NLGN1: variants seen among roughly 807,000 people sequenced by gnomAD.
The protein encoded by NLGN1 is neuroligin 1.
Under a neutral mutation model 65.5 loss-of-function variants are expected in NLGN1, and 12 were observed. The ratio of observed to expected loss-of-function variants is 0.18; its 90% CI spans 0.12 to 0.30. NLGN1 has a LOEUF of 0.30. Ranked by LOEUF, NLGN1 falls within the 10% of genes least tolerant of loss-of-function variation. The pLI, the probability that NLGN1 is intolerant of heterozygous loss-of-function variation, is 1.00. For synonymous variants in NLGN1, 350 were observed against 359.5 expected (o/e 0.97, Z 0.30); for missense variants, 750 against 1,007.1 (o/e 0.74, Z 3.46).
intron 4 of NLGN1, among the ~76,000 whole-genome samples, chr3:174,032,750 AC>A (rs2152475701): frequency 6.6e-6 from 1 of 152,204 alleles, no homozygotes; most frequent in Non-Finnish European, 1.5e-5. Context: ...CATTGTAAAA[AC>A]ACCAGTGCCT....
At chr3:173,421,047 A>G (rs1002932752) in intron 1 of NLGN1, among the ~76,000 whole-genome samples, 1 of 152,056 alleles carries the variant, frequency 6.6e-6, no homozygotes, top group Non-Finnish European at 1.5e-5. Context: ...TGTTTCTTCT[A>G]AGTGTATTGT....
intron 1 of NLGN1, among the ~76,000 whole-genome samples, chr3:173,426,497 G>C (rs907346227): frequency 6.6e-6 from 1 of 151,976 alleles, no homozygotes; most frequent in Non-Finnish European, 1.5e-5. Flanking sequence ...ATGTTTTGGG[G>C]TATGTTTTTT....
chr3:173,862,180 A>G (rs1729238276), intron 4 of NLGN1, among the ~76,000 whole-genome samples: 1 of 152,288 alleles, frequency 6.6e-6, no homozygotes, highest in South Asian at 2.1e-4. Flanking sequence ...GTTCAAATCA[A>G]TAACTAACTA....
intron 4 of NLGN1, among the ~76,000 whole-genome samples, chr3:173,919,223 A>G (rs1425037789): frequency 2.0e-5 from 3 of 152,192 alleles, no homozygotes; most frequent in African/African-American, 7.2e-5. Flanking sequence ...ATTAAGACTC[A>G]GACATCTTTG....
At chr3:173,822,504 TAA>T (rs1342169191) in intron 4 of NLGN1, among the ~76,000 whole-genome samples, 1 of 152,194 alleles carries the variant, frequency 6.6e-6, no homozygotes, top group Non-Finnish European at 1.5e-5. Flanking sequence ...TCTGAGTGTT[TAA>T]AATTACCTTC....
chr3:173,854,874 A>G (rs1173632907), intron 4 of NLGN1, among the ~76,000 whole-genome samples: 1 of 152,128 alleles, frequency 6.6e-6, no homozygotes, highest in Non-Finnish European at 1.5e-5. Flanking sequence ...GAAGAGTTGA[A>G]CAAAAAGTGC....
intron 4 of NLGN1, among the ~76,000 whole-genome samples, chr3:173,970,049 G>A (rs951187729): frequency 2.6e-5 from 4 of 152,052 alleles, no homozygotes; most frequent in African/African-American, 9.7e-5. Context: ...TGCATATCAA[G>A]TGTTGCATTT....
At chr3:174,251,028 C>A (rs1462899030) in intron 4 of NLGN1, among the ~76,000 whole-genome samples, 1 of 152,108 alleles carries the variant, frequency 6.6e-6, no homozygotes, top group Non-Finnish European at 1.5e-5. Context: ...TTTTATCAGT[C>A]AGTGCATCAC....
At chr3:173,606,854 A>G (rs181448277) in intron 3 of NLGN1, among the ~76,000 whole-genome samples, 2 of 152,074 alleles carry the variant, frequency 1.3e-5, no homozygotes, top group African/African-American at 2.4e-5. Flanking sequence ...TTAAATGACT[A>G]AAAAAGTCTC....
At chr3:173,609,435 T>A (rs965209711) in intron 3 of NLGN1, among the ~76,000 whole-genome samples, 1 of 151,966 alleles carries the variant, frequency 6.6e-6, no homozygotes. Flanking sequence ...TGAGATAATA[T>A]TGAATTCTTT....
intron 4 of NLGN1, among the ~76,000 whole-genome samples, chr3:173,823,494 A>C: frequency 6.6e-6 from 1 of 152,086 alleles, no homozygotes; most frequent in East Asian, 1.9e-4. Flanking sequence ...GTACTTACAA[A>C]ACATCTCAAT....
chr3:173,425,469 T>C (rs963201053), intron 1 of NLGN1, among the ~76,000 whole-genome samples: 1 of 152,176 alleles, frequency 6.6e-6, no homozygotes, highest in Admixed American at 6.5e-5. Context: ...AATAGATTCA[T>C]AGTTTCAGGT....
chr3:173,954,413 G>A (rs1711509943), intron 4 of NLGN1, among the ~76,000 whole-genome samples: 1 of 152,012 alleles, frequency 6.6e-6, no homozygotes, highest in South Asian at 2.1e-4. Flanking sequence ...GAAGTGCGTA[G>A]AAGTGTAACT....
chr3:173,778,052 G>T (rs1185016384), intron 3 of NLGN1, among the ~76,000 whole-genome samples: 1 of 151,736 alleles, frequency 6.6e-6, no homozygotes, highest in Non-Finnish European at 1.5e-5. Flanking sequence ...CTTTTCACTT[G>T]AAGTGTTAAA....
chr3:173,774,313 G>A (rs1338896097), intron 3 of NLGN1, among the ~76,000 whole-genome samples: 1 of 152,122 alleles, frequency 6.6e-6, no homozygotes, highest in Admixed American at 6.6e-5. Context: ...ATGTAAGTGG[G>A]GGAAGAGAAG....
intron 2 of NLGN1, among the ~76,000 whole-genome samples, chr3:173,446,472 G>A (rs1465196651): frequency 1.3e-5 from 2 of 152,046 alleles, no homozygotes; most frequent in African/African-American, 4.8e-5. Context: ...TCATTGTTGG[G>A]CATTTGGGTT....
At position 174,280,148 on chromosome 3, in the gene NLGN1, C is replaced by G. The variant is rs937860777; in HGVS notation, c.1650-333C>G. On this transcript the variant is annotated intron_variant, in intron 6 of 6. Coordinates refer to ENST00000457714, the Ensembl canonical transcript of NLGN1. The surrounding 1 kb of genome is among the most constrained non-coding windows in gnomAD (Gnocchi z 4.9). Reference sequence around the variant, plus strand: ...GCTAATTTAAAATCAAAAATCCTTTCCACTATTCCATGTCATCTCTGCTAG... The same window carrying G: ...GCTAATTTAAAATCAAAAATCCTTTGCACTATTCCATGTCATCTCTGCTAG... 6.6e-6 allele frequency among the ~76,000 whole-genome samples: 1 copy of G among 151,958 alleles called. No individual in the cohort carries two copies. Among genetic ancestry groups the G allele is most frequent in the African/African-American group, 2.4e-5 (1 of 41,396 alleles).
In NLGN1 at chr3:174,279,469, C is replaced by T. The variant is rs1490375021; in HGVS notation, c.1468C>T (p.His490Tyr). Reference sequence around the variant, plus strand: ...ACCTACGTACTTCTATGCCTTTTACCATCATTGCCAAACAGATCAGGTTCC... The same window carrying T: ...ACCTACGTACTTCTATGCCTTTTACTATCATTGCCAAACAGATCAGGTTCC... Residue 490 changes from histidine to tyrosine, a missense_variant, in exon 6 of 7, where the codon CAT becomes TAT. Physicochemically the swap from His to Tyr is moderately conservative, Grantham distance 83. Coordinates refer to ENST00000457714, the Ensembl canonical transcript of NLGN1. The surrounding 1 kb of genome is among the most constrained non-coding windows in gnomAD (Gnocchi z 4.7). 1.9e-6 allele frequency: 3 copies of T among 1,613,048 alleles called. No individual in the cohort carries two copies. Among genetic ancestry groups the T allele is most frequent in the African/African-American group, 1.3e-5 (1 of 74,830 alleles).
intron 2 of NLGN1, among the ~76,000 whole-genome samples, chr3:173,531,097 T>C (rs954315393): frequency 2.0e-5 from 3 of 152,076 alleles, no homozygotes; most frequent in African/African-American, 7.3e-5. Context: ...TTTATGGCTG[T>C]GTATTGTGAC....
Sources: gnomAD v4.1 joint callset for allele counts (sites outside exome capture counted in the v4.1 genomes callset) on GRCh38, gnomAD v4.1.1 for gene constraint, Gnocchi (gnomAD v3.1) non-coding constraint, MANE v1.5 for transcripts, NCBI Gene and HGNC (gene_info 2026-07-23, HGNC 2026-07-21) for gene names.